ADD1: variants seen among roughly 807,000 people sequenced by gnomAD.
ADD1 encodes adducin 1.
In ADD1, 24 loss-of-function variants were observed where a neutral mutation model predicts 80.5. That is an observed-to-expected ratio of 0.30 (90% CI 0.22 to 0.42). ADD1 has a LOEUF of 0.42. Ranked by LOEUF, ADD1 falls within the 10% of genes least tolerant of loss-of-function variation. The pLI, the probability that ADD1 is intolerant of heterozygous loss-of-function variation, is 1.00. For missense variants in ADD1, 948 were observed against 1,019.0 expected, an observed-to-expected ratio of 0.93 and a Z score of 0.95; for synonymous variants, 373 against 393.8, an observed-to-expected ratio of 0.95 and a Z score of 0.63.
At chr4:2,912,081 C>T (rs139576292) in intron 13 of ADD1, among the ~76,000 whole-genome samples, 56 of 152,338 alleles carry the variant, frequency 3.7e-4, no homozygotes, top group African/African-American at 1.3e-3. Flanking sequence ...GAGAGGTCAG[C>T]CGCTAGTGCA....
chr4:2,909,369 A>T lies in ADD1; in HGVS notation c.1729A>T (p.Ile577Phe), dbSNP rs748783507. The T allele has an allele frequency of 2.6e-6, 4 of 1,550,204 alleles. No homozygotes were observed. The highest frequency in any genetic ancestry group is 3.5e-6 in the Non-Finnish European group (4 of 1,146,848). ...ACCTCTCTCTGACTGTACGGAAACT[A>T]TCGAAGGGCTCGAGCTTACAGAGCA... Reference protein sequence around the residue: ...DAPLSDCTETIEGLELTEQTF... With the variant: ...DAPLSDCTETFEGLELTEQTF... Residue 577 changes from isoleucine to phenylalanine, a missense_variant, in exon 13 of 16, where the codon ATC (isoleucine) becomes TTC (phenylalanine). Coordinates refer to ENST00000683351, the MANE Select transcript of ADD1 (RefSeq NM_001354761.2).
intron 10 of ADD1, among the ~76,000 whole-genome samples, chr4:2,906,976 T>C (rs991368724): frequency 1.3e-5 from 2 of 152,172 alleles, no homozygotes; most frequent in African/African-American, 4.8e-5. Context: ...AGAATTTGAT[T>C]AAAAATCTCA....
At chr4:2,893,800 G>A (rs888200227) in intron 4 of ADD1, among the ~76,000 whole-genome samples, 2 of 152,098 alleles carry the variant, frequency 1.3e-5, no homozygotes, top group Admixed American at 6.5e-5. Context: ...TATCATGAAC[G>A]TGAGCAAGAA....
chr4:2,899,844 T>A, intron 9 of ADD1: 1 of 328,134 alleles, frequency 3.0e-6, no homozygotes, highest in Non-Finnish European at 5.9e-6. Context: ...GATGACTGTG[T>A]TCCATGGGTA....
intron 4 of ADD1, among the ~76,000 whole-genome samples, 199 bp downstream of exon 4, chr4:2,884,865 G>C (rs1046177786): frequency 3.3e-5 from 5 of 152,164 alleles, no homozygotes; most frequent in African/African-American, 7.2e-5. Context: ...AGCAGTTCTT[G>C]AAAATTTCTT....
At chr4:2,881,057 A>G (rs1025998247) in intron 2 of ADD1, among the ~76,000 whole-genome samples, 13 of 135,796 alleles carry the variant, frequency 9.6e-5, no homozygotes, top group Non-Finnish European at 9.4e-5. Context: ...TACAATGAAC[A>G]TTTTGATGTA....
intron 14 of ADD1, among the ~76,000 whole-genome samples, chr4:2,922,981 C>T (rs1740322139): frequency 6.6e-6 from 1 of 152,158 alleles, no homozygotes; most frequent in African/African-American, 2.4e-5. Flanking sequence ...GGTGGATGCC[C>T]CTCCCCCCAC....
chr4:2,902,421 C>A (rs772936449), intron 9 of ADD1: 1 of 152,148 alleles, frequency 6.6e-6, no homozygotes, highest in Non-Finnish European at 1.5e-5. Context: ...AAAACAACTC[C>A]ATTCATGATT....
chr4:2,915,049 T>G lies in ADD1; in HGVS notation c.1948+9T>G, dbSNP rs768151757. On this transcript the variant is annotated intron_variant, in intron 14 of 15. Coordinates refer to ENST00000683351, the MANE Select transcript of ADD1 (RefSeq NM_001354761.2). ...GCAGAAGGGCTCTGAAGGTGAGTGC[T>G]TGTGGTCCTGGGCACGGCCACTCCA... is the stretch of plus-strand genomic sequence containing the variant. The G allele has an allele frequency of 6.2e-7, 1 of 1,605,942 alleles. No homozygotes were observed. Among genetic ancestry groups the G allele is most frequent in the African/African-American group, 1.3e-5 (1 of 74,748 alleles).
intron 4 of ADD1, among the ~76,000 whole-genome samples, chr4:2,886,044 C>T (rs1733313363): frequency 6.6e-6 from 1 of 152,086 alleles, no homozygotes; most frequent in Non-Finnish European, 1.5e-5. Context: ...CTGTTTTTTT[C>T]ATGTAATTTC....
At chr4:2,872,083 T>C (rs1378976079) in intron 1 of ADD1, among the ~76,000 whole-genome samples, 2 of 152,142 alleles carry the variant, frequency 1.3e-5, no homozygotes, top group Non-Finnish European at 2.9e-5. Context: ...AGGAGGCCGT[T>C]GAGTGTCCAG....
intron 14 of ADD1, among the ~76,000 whole-genome samples, chr4:2,923,927 C>T (rs952045832): frequency 2.0e-5 from 3 of 152,254 alleles, no homozygotes; most frequent in East Asian, 1.9e-4. Context: ...CAGTCAGCCC[C>T]GGCCTCTGTG....
chr4:2,885,837 C>A (rs1160460522), intron 4 of ADD1, among the ~76,000 whole-genome samples: 1 of 152,214 alleles, frequency 6.6e-6, no homozygotes, highest in African/African-American at 2.4e-5. Flanking sequence ...GTCTCGATCT[C>A]CTGACCTTGT....
In ADD1 at chr4:2,928,761, C is replaced by A; in HGVS notation, c.*238C>A. On this transcript the variant is annotated 3_prime_UTR_variant, in exon 16 of 16. Transcript: ENST00000683351. ...TCAGCTTCTGGGGGAGACATGCTCTCCCCACAGGGGGGAGGCACTAAGTCA... is the reference window on the plus strand; with the variant it reads ...TCAGCTTCTGGGGGAGACATGCTCTACCCACAGGGGGGAGGCACTAAGTCA... 1.9e-6 allele frequency: 1 copy of A among 514,238 alleles called. No homozygotes were observed. The highest frequency in any genetic ancestry group is 3.4e-6 in the Non-Finnish European group (1 of 296,552). The allele number at this position is 514,238 out of a possible 1,614,324, so 31.9% of individuals were successfully genotyped here.
intron 1 of ADD1, among the ~76,000 whole-genome samples, chr4:2,862,702 C>G (rs1008059948): frequency 2.0e-5 from 3 of 152,164 alleles, no homozygotes; most frequent in Non-Finnish European, 4.4e-5. Context: ...CCCCTGGACT[C>G]CCAGTTCCCT....
At chr4:2,863,461 G>A (rs1729102688) in intron 1 of ADD1, among the ~76,000 whole-genome samples, 1 of 152,116 alleles carries the variant, frequency 6.6e-6, no homozygotes, top group African/African-American at 2.4e-5. Flanking sequence ...AGTATTTAAT[G>A]TATTTTGGAG....
chr4:2,919,001 C>G (rs1179340343), intron 14 of ADD1, among the ~76,000 whole-genome samples: 3 of 151,956 alleles, frequency 2.0e-5, no homozygotes, highest in Non-Finnish European at 4.4e-5. Flanking sequence ...CCACCACACC[C>G]GGTTAATTTT....
chr4:2,918,118 T>C (rs12647713), intron 14 of ADD1, among the ~76,000 whole-genome samples: 33,902 of 152,206 alleles, frequency 0.22, 4,376 homozygotes, highest in Non-Finnish European at 0.28. Flanking sequence ...TTGGGCAGTA[T>C]GGCCGTTTTC....
intron 13 of ADD1, among the ~76,000 whole-genome samples, chr4:2,909,711 A>G (rs1737694659): frequency 6.6e-6 from 1 of 152,000 alleles, no homozygotes; most frequent in Non-Finnish European, 1.5e-5. Context: ...TCCGCACGGG[A>G]CTTTGGTCAG....
Sources: gnomAD v4.1 joint callset for allele counts (sites outside exome capture counted in the v4.1 genomes callset) on GRCh38, gnomAD v4.1.1 for gene constraint, MANE v1.5 for transcripts, NCBI Gene and HGNC (gene_info 2026-07-23, HGNC 2026-07-21) for gene names.